Variants in ATP13A5 observed in about 807,000 individuals in gnomAD.
The protein encoded by ATP13A5 is probable cation-transporting ATPase 13A5.
In ATP13A5, 149 loss-of-function variants were observed where a neutral mutation model predicts 150.2. That is an observed-to-expected ratio of 0.99 (90% CI 0.87 to 1.14). The LOEUF is 1.14. ATP13A5 is among the 50% of genes most tolerant of loss of function. The pLI, the probability that ATP13A5 is intolerant of heterozygous loss-of-function variation, is 0.00. For missense variants in ATP13A5, 1,383 were observed against 1,449.3 expected (o/e 0.95, Z 0.74); for synonymous variants, 497 against 522.2 (o/e 0.95, Z 0.66).
chr3:193,328,968 C>T (rs1475261117), intron 12 of ATP13A5, among the ~76,000 whole-genome samples: 3 of 152,138 alleles, frequency 2.0e-5, no homozygotes, highest in African/African-American at 4.8e-5. Flanking sequence ...AGAGATGGGC[C>T]GGGCACGGTG....
intron 16 of ATP13A5, among the ~76,000 whole-genome samples, chr3:193,320,117 A>G (rs2108861024): frequency 6.6e-6 from 1 of 152,336 alleles, no homozygotes; most frequent in Non-Finnish European, 1.5e-5. Flanking sequence ...CCACAGAACA[A>G]TGGGAGGTAT....
At chr3:193,286,208 A>G (rs1481326741) in intron 26 of ATP13A5, among the ~76,000 whole-genome samples, 1 of 152,166 alleles carries the variant, frequency 6.6e-6, no homozygotes, top group Non-Finnish European at 1.5e-5. Flanking sequence ...CCACTATTAC[A>G]ACTGTTTATA....
intron 9 of ATP13A5, among the ~76,000 whole-genome samples, chr3:193,335,952 C>T (rs1448661559): frequency 6.6e-6 from 1 of 152,102 alleles, no homozygotes; most frequent in South Asian, 2.1e-4. Flanking sequence ...AAAAAGGATA[C>T]ATTTCAGAGA....
intron 5 of ATP13A5, among the ~76,000 whole-genome samples, chr3:193,360,620 T>C (rs937312014): frequency 3.9e-5 from 6 of 152,258 alleles, no homozygotes; most frequent in African/African-American, 1.2e-4. Flanking sequence ...CCATTCTTCA[T>C]ATTTGGAAAA....
intron 17 of ATP13A5, among the ~76,000 whole-genome samples, chr3:193,318,395 C>G (rs556463062): frequency 6.6e-6 from 1 of 152,040 alleles, no homozygotes; most frequent in Non-Finnish European, 1.5e-5. Flanking sequence ...AACTGAAGAA[C>G]GTTGAAAGAA....
chr3:193,298,217 A>G lies in ATP13A5; in HGVS notation c.2848+914T>C, dbSNP rs191086273. On this transcript the variant is annotated intron_variant, in intron 25 of 29. Coordinates refer to ENST00000342358, the MANE Select transcript of ATP13A5 (RefSeq NM_198505.4). The stretch of plus-strand genomic sequence containing the variant: ...TCTTTTTAGTATCATTCACAAATAA[A>G]TCATGCAAATTGCTTAAAATATCCA... Among the ~76,000 whole-genome samples the G allele has an allele frequency of 2.0e-5, 3 of 152,264 alleles. No individual in the cohort carries two copies. In the East Asian group the frequency reaches 5.8e-4, roughly 29 times the overall value.
intron 9 of ATP13A5, among the ~76,000 whole-genome samples, chr3:193,339,817 A>C (rs1192600211): frequency 6.6e-6 from 1 of 152,166 alleles, no homozygotes; most frequent in Non-Finnish European, 1.5e-5. Context: ...GAATCACAGA[A>C]TATTAATCCA....
At chr3:193,319,384 C>T (rs1003940047) in intron 16 of ATP13A5, among the ~76,000 whole-genome samples, 1 of 152,156 alleles carries the variant, frequency 6.6e-6, no homozygotes, top group African/African-American at 2.4e-5. Flanking sequence ...ATCTCTAATG[C>T]AATAGTATTT....
At chr3:193,350,971 T>G in intron 7 of ATP13A5, 96 bp downstream of exon 7, 2 of 1,426,810 alleles carry the variant, frequency 1.4e-6, no homozygotes, top group Non-Finnish European at 1.9e-6. Context: ...TGACTTATGG[T>G]TGACAAAGCA....
intron 9 of ATP13A5, among the ~76,000 whole-genome samples, chr3:193,336,662 G>C (rs1440218043): frequency 6.6e-6 from 1 of 152,156 alleles, no homozygotes; most frequent in Non-Finnish European, 1.5e-5. Flanking sequence ...TTGGTTCCAA[G>C]TCTTTGCTAT....
At chr3:193,349,432 TACCTA>T (rs2108889360) in intron 7 of ATP13A5, among the ~76,000 whole-genome samples, 1 of 152,200 alleles carries the variant, frequency 6.6e-6, no homozygotes, top group Admixed American at 6.5e-5. Flanking sequence ...AAACAGGTAT[TACCTA>T]ACTTTGGAAG....
chr3:193,275,955 G>A (rs1305697413), intron 29 of ATP13A5, among the ~76,000 whole-genome samples: 3 of 151,978 alleles, frequency 2.0e-5, no homozygotes, highest in African/African-American at 7.3e-5. Flanking sequence ...TCCTCAAATC[G>A]CTGTATAGCT....
chr3:193,276,778 G>C lies in ATP13A5; in HGVS notation c.3368C>G (p.Thr1123Ser). ...TACAAAGAAAGCCACACAGAATTGGGTGAGGGCTACCACCAAAATTAAAAC... is the reference window on the plus strand; with the variant it reads ...TACAAAGAAAGCCACACAGAATTGGCTGAGGGCTACCACCAAAATTAAAAC... The part of the protein sequence containing the change: ...WRVLILVVAL[T>S]QFCVAFFVED... Residue 1123 changes from threonine (T) to serine (S), a missense_variant, in exon 29 of 30, where the codon ACC (threonine) becomes AGC (serine). By Grantham distance (58) the Thr-to-Ser change is moderately conservative. Around this residue, in one of 3 missense-constraint regions of ATP13A5, gnomAD observed 568 missense variants for 621.5 expected, o/e 0.91. Transcript: ENST00000342358. 6.2e-7 allele frequency: 1 copy of C among 1,613,212 alleles called. No homozygotes were observed. Among genetic ancestry groups the C allele is most frequent in the Non-Finnish European group, 8.5e-7 (1 of 1,179,376 alleles).
chr3:193,364,718 C>G (rs1480991295), intron 1 of ATP13A5, among the ~76,000 whole-genome samples: 2 of 152,074 alleles, frequency 1.3e-5, no homozygotes, highest in Non-Finnish European at 2.9e-5. Flanking sequence ...GTGATCTACA[C>G]TCATACATCT....
intron 23 of ATP13A5, among the ~76,000 whole-genome samples, chr3:193,303,919 A>ACC (rs948698515): frequency 6.6e-6 from 1 of 151,976 alleles, no homozygotes; most frequent in African/African-American, 2.4e-5. Context: ...ACACACACAC[A>ACC]CACATAATTT....
chr3:193,344,468 GCTC>G (rs1712249312), intron 8 of ATP13A5, among the ~76,000 whole-genome samples: 1 of 152,016 alleles, frequency 6.6e-6, no homozygotes, highest in African/African-American at 2.4e-5. Flanking sequence ...GCAGCTCCTC[GCTC>G]CTTGCAAAAA....
chr3:193,309,756 CTG>C (rs1239421563), intron 21 of ATP13A5, among the ~76,000 whole-genome samples: 1 of 152,206 alleles, frequency 6.6e-6, no homozygotes, highest in Non-Finnish European at 1.5e-5. Context: ...CAGTGAAAAA[CTG>C]AGGTTCAGTC....
intron 9 of ATP13A5, among the ~76,000 whole-genome samples, chr3:193,343,505 G>T (rs1020910242): frequency 5.3e-5 from 8 of 152,164 alleles, no homozygotes; most frequent in Non-Finnish European, 1.2e-4. Context: ...TCTACAGAGT[G>T]CAGGGTTGGA....
chr3:193,335,414 C>A (rs1002407457), intron 9 of ATP13A5, among the ~76,000 whole-genome samples: 9 of 152,200 alleles, frequency 5.9e-5, no homozygotes, highest in African/African-American at 2.2e-4. Context: ...AAGCCCAGCA[C>A]TATTTTAGGC....
Sources: allele counts gnomAD v4.1 joint callset (sites outside exome capture counted in the v4.1 genomes callset), GRCh38; gene constraint gnomAD v4.1.1; regional missense constraint gnomAD v4.1.1; transcripts MANE v1.5; gene names NCBI Gene and HGNC (gene_info 2026-07-23, HGNC 2026-07-21).